Variants in MAP3K7 observed in about 807,000 individuals in gnomAD.
MAP3K7 encodes mitogen-activated protein kinase kinase kinase 7.
In MAP3K7, 21 loss-of-function variants were observed where a neutral mutation model predicts 84.8. That is an observed-to-expected ratio of 0.25 (90% CI 0.18 to 0.36). MAP3K7 has a LOEUF of 0.36. Among genes scored for constraint, MAP3K7 ranks in the 10% least tolerant of loss-of-function variants. The probability of loss-of-function intolerance (pLI) is 1.00; values close to 1 mark genes in which losing one functional copy is unlikely to be tolerated. For missense variants in MAP3K7, 503 were observed against 747.7 expected, an observed-to-expected ratio of 0.67 and a Z score of 3.82; for synonymous variants, 241 against 247.7, an observed-to-expected ratio of 0.97 and a Z score of 0.25.
chr6:90,586,634 G>A (rs1470726359), intron 1 of MAP3K7, 130 bp downstream of exon 1: 1 of 1,250,980 alleles, frequency 8.0e-7, no homozygotes, highest in African/African-American at 1.5e-5. Context: ...GGGCTGTGGG[G>A]TCTCCCGGGT....
chr6:90,558,091 GGCGGGCAGATCAC>G (rs1776392140), intron 5 of MAP3K7, among the ~76,000 whole-genome samples: 1 of 152,156 alleles, frequency 6.6e-6, no homozygotes, highest in African/African-American at 2.4e-5. Context: ...GGGAGGCTGA[GGCGGGCAGATCAC>G]GAGGTCAGGA....
Position 90,586,837 on chromosome 6 carries a change from C to A in MAP3K7, c.47G>T (p.Gly16Val). ...CTGGGAAGGGGCTTCGATCATCTCA[C>A]CGGCCGAAGACGAGGAGGAGGAGGA... ...AASSSSSSSA[G>V]EMIEAPSQVL... is the part of the protein sequence containing the mutation. The change falls in exon 1 of 17, where the codon GGT (glycine) becomes GTT (valine). Residue 16 changes from glycine (G) to valine (V), a missense_variant. This residue lies in a region of MAP3K7 where 41 missense variants were observed against 41.4 expected (regional missense o/e 0.99). Coordinates refer to ENST00000369329, the MANE Select transcript of MAP3K7 (RefSeq NM_145331.3). 1 of 1,610,994 alleles carries A rather than the reference C, an allele frequency of 6.2e-7. No homozygotes were observed. The highest frequency in any genetic ancestry group is 8.5e-7 in the Non-Finnish European group (1 of 1,178,608).
intron 1 of MAP3K7, among the ~76,000 whole-genome samples, chr6:90,581,012 T>C (rs1777252297): frequency 6.6e-6 from 1 of 152,166 alleles, no homozygotes; most frequent in Non-Finnish European, 1.5e-5. Flanking sequence ...TACAGAAGAA[T>C]ATGAGATGGT....
intron 13 of MAP3K7, among the ~76,000 whole-genome samples, chr6:90,532,146 T>C (rs980970865): frequency 1.3e-5 from 2 of 152,122 alleles, no homozygotes; most frequent in Non-Finnish European, 2.9e-5. Context: ...AAATAAATAA[T>C]AACAATGTAT....
At chr6:90,551,238 G>A (rs1415407921) in intron 8 of MAP3K7, 3 of 152,056 alleles carry the variant, frequency 2.0e-5, no homozygotes, top group South Asian at 2.1e-4. Context: ...GCTGCTTTGC[G>A]TAAGAAATTT....
intron 13 of MAP3K7, among the ~76,000 whole-genome samples, chr6:90,533,056 C>T (rs1342651463): frequency 6.6e-6 from 1 of 152,166 alleles, no homozygotes; most frequent in Admixed American, 6.6e-5. Flanking sequence ...TTCTCTCATC[C>T]TCACTTTACC....
chr6:90,576,596 G>C (rs1346754617), intron 1 of MAP3K7, among the ~76,000 whole-genome samples: 1 of 152,138 alleles, frequency 6.6e-6, no homozygotes, highest in African/African-American at 2.4e-5. Flanking sequence ...ATACAAGAGT[G>C]AACAAACCAA....
chr6:90,556,004 T>C (rs1255796838), intron 6 of MAP3K7, among the ~76,000 whole-genome samples: 3 of 151,894 alleles, frequency 2.0e-5, no homozygotes, highest in Admixed American at 6.6e-5. Flanking sequence ...CCAACAAAAA[T>C]CACAAAAATG....
intron 11 of MAP3K7, among the ~76,000 whole-genome samples, chr6:90,545,840 T>G (rs548311374): frequency 7.9e-5 from 12 of 152,210 alleles, no homozygotes; most frequent in Non-Finnish European, 1.5e-4. Context: ...TTCGACCATG[T>G]TACTTTGACC....
At chr6:90,584,720 T>G (rs1468075541) in intron 1 of MAP3K7, among the ~76,000 whole-genome samples, 2 of 152,180 alleles carry the variant, frequency 1.3e-5, no homozygotes, top group East Asian at 3.8e-4. Context: ...AGTAAGTTTG[T>G]GAAAGCATTT....
At chr6:90,559,453 G>A (rs973609710) in intron 5 of MAP3K7, among the ~76,000 whole-genome samples, 4 of 151,996 alleles carry the variant, frequency 2.6e-5, no homozygotes, top group Admixed American at 6.6e-5. Context: ...GAAAAAAAAA[G>A]AGAGAAAAGG....
chr6:90,569,427 G>T (rs1362722625), intron 2 of MAP3K7, among the ~76,000 whole-genome samples: 1 of 152,084 alleles, frequency 6.6e-6, no homozygotes, highest in Non-Finnish European at 1.5e-5. Flanking sequence ...CCATACAGAG[G>T]TCAATGAGGG....
chr6:90,551,299 A>G (rs1016477048), intron 8 of MAP3K7: 6 of 152,164 alleles, frequency 3.9e-5, no homozygotes, highest in African/African-American at 1.4e-4. Context: ...TACTTAGTCT[A>G]TATTTAAGGA....
intron 8 of MAP3K7, chr6:90,551,700 A>G (rs1190041838): frequency 1.2e-5 from 2 of 169,712 alleles, no homozygotes; most frequent in Admixed American, 1.2e-4. Flanking sequence ...CATAATATTA[A>G]TATATCCAAG....
intron 1 of MAP3K7, among the ~76,000 whole-genome samples, chr6:90,576,828 G>T (rs901344168): frequency 2.0e-4 from 30 of 152,152 alleles, no homozygotes; most frequent in Non-Finnish European, 4.4e-5. Flanking sequence ...TGTTTGGTGT[G>T]GCTGGTGTAT....
In MAP3K7 at chr6:90,516,061, A is replaced by T. The variant is rs1378108945; in HGVS notation, c.*440T>A. 1.1e-5 allele frequency: 2 copies of T among 188,988 alleles called. No homozygotes were observed. Among genetic ancestry groups the T allele is most frequent in the Non-Finnish European group, 2.2e-5 (2 of 91,666 alleles). The allele number at this position is 188,988 out of a possible 1,614,324, so 11.7% of individuals were successfully genotyped here. Reference sequence around the variant, plus strand: ...TAATACCCTGTCTTTAACTTGGTATATACCATCTTTTGGGAAAAAAATTAT... The same window carrying T: ...TAATACCCTGTCTTTAACTTGGTATTTACCATCTTTTGGGAAAAAAATTAT... On this transcript the variant is annotated 3_prime_UTR_variant, in exon 17 of 17. Coordinates refer to ENST00000369329, the MANE Select transcript of MAP3K7 (RefSeq NM_145331.3).
chr6:90,579,836 T>C (rs1016094857), intron 1 of MAP3K7, among the ~76,000 whole-genome samples: 4 of 152,100 alleles, frequency 2.6e-5, no homozygotes, highest in Non-Finnish European at 5.9e-5. Context: ...GTATACAAAA[T>C]AGAAAGTGTT....
At chr6:90,546,970 T>C (rs1254851350) in intron 11 of MAP3K7, among the ~76,000 whole-genome samples, 1 of 152,174 alleles carries the variant, frequency 6.6e-6, no homozygotes, top group Non-Finnish European at 1.5e-5. Context: ...ATTTCTCACT[T>C]AGACTTTCAA....
Position 90,515,988 on chromosome 6 carries a change from C to T in MAP3K7, c.*513G>A. ...TCAAAGCCCTTACACGGAACTATCC[C>T]TAAAGGTTCCGTATTTCCGTAATAT... On this transcript the variant is annotated 3_prime_UTR_variant, in exon 17 of 17. Coordinates refer to ENST00000369329, the MANE Select transcript of MAP3K7 (RefSeq NM_145331.3). 1 of 160,112 alleles carries T rather than the reference C, an allele frequency of 6.2e-6. No homozygotes were observed. Among genetic ancestry groups the T allele is most frequent in the Admixed American group, 6.4e-5 (1 of 15,746 alleles). The allele number at this position is 160,112 out of a possible 1,614,324, so 9.9% of individuals were successfully genotyped here. A position where few individuals can be genotyped will look rare whatever the true frequency, so the allele number is the denominator to read the frequency against.
Sources: gnomAD v4.1 joint callset for allele counts (sites outside exome capture counted in the v4.1 genomes callset) on GRCh38, gnomAD v4.1.1 for gene constraint, gnomAD v4.1.1 regional missense constraint, MANE v1.5 for transcripts, NCBI Gene and HGNC (gene_info 2026-07-23, HGNC 2026-07-21) for gene names.